NRG3: variants seen among roughly 807,000 people sequenced by gnomAD.
NRG3 encodes the protein neuregulin 3, also known as pro-neuregulin-3, membrane-bound isoform.
In NRG3, 31 loss-of-function variants were observed where a neutral mutation model predicts 66.9. That is an observed-to-expected ratio of 0.46 (90% CI 0.35 to 0.63). NRG3 has a LOEUF of 0.63. Ranked by LOEUF, NRG3 falls within the 20% of genes least tolerant of loss-of-function variation. The probability of loss-of-function intolerance (pLI) is 0.00; values close to 1 mark genes in which losing one functional copy is unlikely to be tolerated. For missense variants in NRG3, 910 were observed against 878.9 expected (o/e 1.04, Z -0.45); for synonymous variants, 393 against 359.4 (o/e 1.09, Z -1.06).
intron 2 of NRG3, among the ~76,000 whole-genome samples, chr10:82,454,640 C>T (rs948957712): frequency 3.3e-5 from 5 of 152,224 alleles, no homozygotes; most frequent in Middle Eastern, 3.4e-3. Flanking sequence ...TCTCAAAACA[C>T]TCAGGAAAGC....
At chr10:81,899,317 G>T (rs1843810371) in intron 1 of NRG3, among the ~76,000 whole-genome samples, 1 of 152,214 alleles carries the variant, frequency 6.6e-6, no homozygotes, top group Non-Finnish European at 1.5e-5. Flanking sequence ...TCCCATGGAA[G>T]TGCTACCTTT....
At chr10:82,096,249 G>A (rs1426642227) in intron 1 of NRG3, among the ~76,000 whole-genome samples, 1 of 152,110 alleles carries the variant, frequency 6.6e-6, no homozygotes, top group Non-Finnish European at 1.5e-5. Flanking sequence ...GGCTGAGGTG[G>A]GCAGATCATG....
intron 2 of NRG3, among the ~76,000 whole-genome samples, chr10:82,397,993 C>T (rs2086823895): frequency 6.6e-6 from 1 of 152,136 alleles, no homozygotes; most frequent in African/African-American, 2.4e-5. Context: ...ACAGTGTATG[C>T]AAGGAGAGTA....
Position 82,270,518 on chromosome 10 carries a change from C to T in NRG3, c.824-88221C>T, listed in dbSNP as rs956353567. ...ATGTTTTTGTAAATGTACCTCTTTG[C>T]TTTCCTGCTTCTGTAATTTTTTACA... On this transcript the variant is annotated intron_variant, in intron 1 of 8. Transcript: ENST00000372141. Among the ~76,000 whole-genome samples the T allele has an allele frequency of 2.6e-5, 4 of 152,082 alleles. No individual in the cohort carries two copies. The East Asian group carries it at 7.7e-4, about 29-fold the overall frequency.
At chr10:82,540,635 T>A (rs2132747208) in intron 2 of NRG3, among the ~76,000 whole-genome samples, 1 of 152,048 alleles carries the variant, frequency 6.6e-6, no homozygotes, top group Non-Finnish European at 1.5e-5. Flanking sequence ...GAGAGGGAAG[T>A]AGTCAGTTGC....
At chr10:82,912,501 G>C (rs752406484) in intron 4 of NRG3, among the ~76,000 whole-genome samples, 21 of 151,966 alleles carry the variant, frequency 1.4e-4, no homozygotes, top group Non-Finnish European at 2.9e-4. Flanking sequence ...ATAAGTGTTA[G>C]CATGGTATAT....
At chr10:82,660,517 T>C (rs11195459) in intron 2 of NRG3, among the ~76,000 whole-genome samples, 5,743 of 152,220 alleles carry the variant, frequency 0.038, 141 homozygotes, top group Non-Finnish European at 0.058. Context: ...GCAAGTGAAA[T>C]TAAAGACATT....
chr10:82,672,907 AC>A (rs971943129), intron 2 of NRG3, among the ~76,000 whole-genome samples: 1 of 151,970 alleles, frequency 6.6e-6, no homozygotes, highest in African/African-American at 2.4e-5. Flanking sequence ...GCACCACCAC[AC>A]CCGGCTAATT....
At chr10:82,268,629 A>G (rs2078429222) in intron 1 of NRG3, among the ~76,000 whole-genome samples, 1 of 152,106 alleles carries the variant, frequency 6.6e-6, no homozygotes, top group Non-Finnish European at 1.5e-5. Flanking sequence ...CATTGGGCCA[A>G]TGTAAAATTG....
intron 1 of NRG3, among the ~76,000 whole-genome samples, chr10:82,216,188 C>G (rs2075666620): frequency 6.6e-6 from 1 of 151,724 alleles, no homozygotes; most frequent in Non-Finnish European, 1.5e-5. Context: ...ACCATGTTGG[C>G]CAGGCTGGTC....
intron 1 of NRG3, among the ~76,000 whole-genome samples, chr10:81,999,320 G>A (rs1001628078): frequency 2.0e-5 from 3 of 152,216 alleles, no homozygotes; most frequent in African/African-American, 4.8e-5. Flanking sequence ...TAAGAAGAAC[G>A]ATTTCTAAAA....
At chr10:82,387,303 G>A (rs1015160814) in intron 2 of NRG3, among the ~76,000 whole-genome samples, 4 of 151,744 alleles carry the variant, frequency 2.6e-5, no homozygotes, top group Non-Finnish European at 4.4e-5. Flanking sequence ...ATTCCAATCC[G>A]CTCATTGTCT....
chr10:82,182,484 A>G (rs982414838), intron 1 of NRG3, among the ~76,000 whole-genome samples: 4 of 151,690 alleles, frequency 2.6e-5, no homozygotes, highest in African/African-American at 9.7e-5. Context: ...GCTGATAACA[A>G]CTTAACTTCA....
chr10:82,419,893 T>C (rs866103300), intron 2 of NRG3, among the ~76,000 whole-genome samples: 2 of 152,094 alleles, frequency 1.3e-5, no homozygotes, highest in African/African-American at 4.8e-5. Context: ...AAGCAGTTTA[T>C]ATGGTAAGTG....
chr10:82,738,678 A>G, intron 3 of NRG3, 28 bp downstream of exon 3: 1 of 1,569,934 alleles, frequency 6.4e-7, no homozygotes, highest in East Asian at 2.2e-5. Context: ...CTTCTCTCTA[A>G]TGCAATATAT....
chr10:82,833,916 C>A (rs954500813), intron 3 of NRG3, among the ~76,000 whole-genome samples: 4 of 152,108 alleles, frequency 2.6e-5, no homozygotes. Flanking sequence ...TCTCTTAATC[C>A]ACTTCACATG....
chr10:82,785,605 C>T (rs1565313924), intron 3 of NRG3, among the ~76,000 whole-genome samples: 1 of 152,028 alleles, frequency 6.6e-6, no homozygotes, highest in Non-Finnish European at 1.5e-5. Flanking sequence ...ATGTCTGTGT[C>T]CTTGGACTTT....
intron 1 of NRG3, among the ~76,000 whole-genome samples, chr10:81,915,978 A>G (rs927207738): frequency 1.6e-4 from 25 of 152,332 alleles, no homozygotes; most frequent in Non-Finnish European, 2.1e-4. Flanking sequence ...GTAAAAAGAA[A>G]TAGACAAATT....
intron 1 of NRG3, among the ~76,000 whole-genome samples, chr10:81,953,118 G>T (rs920647955): frequency 8.5e-5 from 13 of 152,070 alleles, no homozygotes; most frequent in African/African-American, 2.9e-4. Context: ...GTACTGCCAG[G>T]TCATTTCTCT....
Sources: gnomAD v4.1 joint callset for allele counts (sites outside exome capture counted in the v4.1 genomes callset) on GRCh38, gnomAD v4.1.1 for gene constraint, MANE v1.5 for transcripts, NCBI Gene and HGNC (gene_info 2026-07-23, HGNC 2026-07-21) for gene names.